Variants in XAB2 observed in about 807,000 individuals in gnomAD.
XAB2 encodes pre-mRNA-splicing factor SYF1.
A neutral mutation model predicts 113.4 loss-of-function variants in XAB2; 57 were observed. That is an observed-to-expected ratio of 0.50 (90% CI 0.41 to 0.63). XAB2 has a LOEUF of 0.63. Ranked by LOEUF, XAB2 falls within the 20% of genes least tolerant of loss-of-function variation. The pLI is 0.00. For missense variants in XAB2, 1,037 were observed against 1,233.3 expected, an observed-to-expected ratio of 0.84 and a Z score of 2.38; for synonymous variants, 497 against 498.8, an observed-to-expected ratio of 1.00 and a Z score of 0.05.
intron 13 of XAB2, 21 bp downstream of exon 13, chr19:7,621,114 C>A (rs751146462): frequency 3.2e-6 from 5 of 1,547,880 alleles, no homozygotes; most frequent in African/African-American, 1.4e-5. Flanking sequence ...CCACCCCCCC[C>A]ATGCCCTCTG....
intron 13 of XAB2, 41 bp downstream of exon 13, chr19:7,621,094 A>AACCCCCCCCCCCCCCCCCCCCT: frequency 6.7e-7 from 1 of 1,494,492 alleles, no homozygotes; most frequent in South Asian, 1.2e-5. Flanking sequence ...TCAGAAACCC[A>AACCCCCCCCCCCCCCCCCCCCT]GCCCGCCCGC....
chr19:7,628,445 G>T lies in XAB2; in HGVS notation c.52-147C>A. The T allele has an allele frequency of 1.0e-6, 1 of 958,822 alleles. No homozygotes were observed. Among genetic ancestry groups the T allele is most frequent in the Non-Finnish European group, 1.5e-6 (1 of 648,422 alleles). 59.4% of individuals were successfully genotyped at this position (958,822 alleles called of 1,614,324 possible). A position where few individuals can be genotyped will look rare whatever the true frequency, so the allele number is the denominator to read the frequency against. On this transcript the variant is annotated intron_variant, in intron 1 of 18. Coordinates refer to ENST00000358368, the MANE Select transcript of XAB2 (RefSeq NM_020196.3). This position sits in a 1 kb window ranked among gnomAD's most constrained non-coding sequence, Gnocchi z 4.6. ...AGGAAGTCAGGTCACCAGATGCCCA[G>T]GCACCAAACCAGATGCCCGACACCA...
chr19:7,622,494 C>T (rs1195474330), intron 11 of XAB2, 36 bp downstream of exon 11: 27 of 1,613,558 alleles, frequency 1.7e-5, no homozygotes, highest in Admixed American at 1.3e-4. Flanking sequence ...GAGCTGAGTC[C>T]GGGGCCCCGT....
rs1451887527 is a variant in XAB2 at position 7,628,080 on chromosome 19, T to A, written c.200+70A>T. 56 of 1,556,930 alleles carry A rather than the reference T, an allele frequency of 3.6e-5. No homozygotes were observed. Among genetic ancestry groups the A allele is most frequent in the Non-Finnish European group, 4.9e-5 (56 of 1,149,500 alleles). ...AATCACCCGGGACCCGGGACCCACT[T>A]GGCAGTTTTGTTATAACTGGACCAG... On this transcript the variant is annotated intron_variant, in intron 2 of 18. Coordinates refer to ENST00000358368, the MANE Select transcript of XAB2 (RefSeq NM_020196.3). The surrounding 1 kb of genome is among the most constrained non-coding windows in gnomAD (Gnocchi z 4.6).
rs1458397409 is a variant in XAB2 at position 7,620,941 on chromosome 19, C to T, written c.1876G>A (p.Ala626Thr). The T allele has an allele frequency of 2.5e-6, 4 of 1,589,898 alleles. No homozygotes were observed. Among genetic ancestry groups the T allele is most frequent in the Non-Finnish European group, 3.4e-6 (4 of 1,170,078 alleles). ...ATGTTGAACATGTCATACTGCTGGG[C>T]GGGCTCCACGGCCCTGGTGGCACGC... ...YERATRAVEP[A>T]QQYDMFNIYI... The change falls in exon 14 of 19, where the codon GCC becomes ACC. Residue 626 changes from alanine to threonine, a missense_variant. Coordinates refer to ENST00000358368, the MANE Select transcript of XAB2 (RefSeq NM_020196.3).
chr19:7,622,019 T>C (rs954938441), intron 12 of XAB2: 4 of 308,424 alleles, frequency 1.3e-5, no homozygotes, highest in South Asian at 7.2e-5. Context: ...ACCTAATCCA[T>C]TATGACTGAT....
intron 11 of XAB2, 21 bp downstream of exon 11, chr19:7,622,509 C>A: frequency 1.2e-6 from 2 of 1,613,890 alleles, no homozygotes; most frequent in Non-Finnish European, 8.5e-7. Context: ...CCCCGTCCCT[C>A]CCCAGCCACA....
intron 16 of XAB2, 87 bp downstream of exon 16, chr19:7,620,188 G>A: frequency 6.3e-7 from 1 of 1,597,452 alleles, no homozygotes; most frequent in East Asian, 2.2e-5. Flanking sequence ...TTGCCATCAG[G>A]ATCCGAGGCT....
chr19:7,621,381 G>A (rs1484812130), intron 12 of XAB2, 84 bp from the exon 13 acceptor site: 2 of 1,529,524 alleles, frequency 1.3e-6, no homozygotes, highest in Admixed American at 1.8e-5. Flanking sequence ...GGCGTCTGTA[G>A]GGAGCCTGCC....
chr19:7,622,203 C>A (rs2031047872), intron 12 of XAB2, 128 bp downstream of exon 12: 19 of 908,186 alleles, frequency 2.1e-5, no homozygotes, highest in Non-Finnish European at 3.1e-5. Flanking sequence ...GAAGCTAAAT[C>A]TTTGTTGTTT....
Position 7,623,664 on chromosome 19 carries a change from G to A in XAB2, c.1119+67C>T. On this transcript the variant is annotated intron_variant, in intron 8 of 18. Coordinates refer to ENST00000358368, the MANE Select transcript of XAB2 (RefSeq NM_020196.3). This position sits in a 1 kb window ranked among gnomAD's most constrained non-coding sequence, Gnocchi z 4.6. ...CTAGAAGGTGACATTATGGGTGAAG[G>A]TGGGTGGCTCCCCAGTTCTGCAGGA... 1 of 1,516,630 alleles carries A rather than the reference G, an allele frequency of 6.6e-7. No individual in the cohort carries two copies. The highest frequency in any genetic ancestry group is 8.8e-7 in the Non-Finnish European group (1 of 1,137,142). 93.9% of individuals were successfully genotyped at this position (1,516,630 alleles called of 1,614,324 possible).
rs200322743 is a variant in XAB2, at chr19:7,624,371, G to A, written c.897C>T (p.Tyr299=). The A allele has an allele frequency of 1.3e-5, 21 of 1,614,060 alleles. No individual in the cohort carries two copies. Among genetic ancestry groups the A allele is most frequent in the African/African-American group, 1.2e-4 (9 of 74,930 alleles). The change falls in exon 7 of 19, where the codon TAC becomes TAT. Residue 299 remains tyrosine, a synonymous_variant. Coordinates refer to ENST00000358368, the MANE Select transcript of XAB2 (RefSeq NM_020196.3). The surrounding 1 kb of genome is among the most constrained non-coding windows in gnomAD (Gnocchi z 4.2). ...CGATCATGCTCTCCTCGAACTGGGC[G>A]TAGCTGTCAAACACCTGTGTGAAGT... ...VRDFTQVFDS[Y]AQFEESMIAA...
In XAB2 at chr19:7,629,524, C is replaced by T. The variant is rs1427180903; in HGVS notation, c.4G>A (p.Val2Met). The T allele has an allele frequency of 6.2e-6, 10 of 1,605,052 alleles. No homozygotes were observed. The highest frequency in any genetic ancestry group is 8.5e-6 in the Non-Finnish European group (10 of 1,176,082). M[V>M]VMARLSRPER... ...GGCCGCGAGAGTCGCGCCATCACCA[C>T]CATTTTTCTGGATGCCCAGGTACAG... The change falls in exon 1 of 19, where the codon GTG (valine) becomes ATG (methionine). Residue 2 changes from valine (V) to methionine (M), a missense_variant. Val to Met is a conservative substitution (Grantham distance 21, BLOSUM62 1). Coordinates refer to ENST00000358368, the MANE Select transcript of XAB2 (RefSeq NM_020196.3).
rs2031181475 is a variant in XAB2, at chr19:7,628,150, C to T, written c.200G>A (p.Ser67Asn). 1.2e-6 allele frequency: 2 copies of T among 1,611,796 alleles called. No homozygotes were observed. The highest frequency in any genetic ancestry group is 1.7e-5 in the Admixed American group (1 of 59,598). Residue 67 changes from serine to asparagine, a missense_variant and splice_region_variant, in exon 2 of 19, where the codon AGC becomes AAC. Transcript: ENST00000358368. The surrounding 1 kb of genome is among the most constrained non-coding windows in gnomAD (Gnocchi z 4.6). ...GCAGGGCAGCTGGAGCCATTCCCAC[C>T]TGCAGGGCAGCAGCTTGAGTGCCCG... ...YERALKLLPC[S>N]YKLWYRYLKA...
chr19:7,627,860 T>C lies in XAB2; in HGVS notation c.201-9A>G, dbSNP rs111691303. On this transcript the variant is annotated splice_polypyrimidine_tract_variant and intron_variant, in intron 2 of 18. Coordinates refer to ENST00000358368, the MANE Select transcript of XAB2 (RefSeq NM_020196.3). The surrounding 1 kb of genome is among the most constrained non-coding windows in gnomAD (Gnocchi z 4.5). ...GGTACCAGAGTTTGTAGCTGGGGAA[T>C]AGGAGGGGACAGATGCTGATCGGTC... The C allele has an allele frequency of 9.5e-5, 153 of 1,611,252 alleles. 6 individuals carry two copies. The African/African-American group carries it at 1.1e-3, about 12-fold the overall frequency.
chr19:7,623,792 T>C lies in XAB2; in HGVS notation c.1058A>G (p.Asn353Ser), dbSNP rs758852611. The C allele has an allele frequency of 6.2e-7, 1 of 1,611,548 alleles. No homozygotes were observed. The highest frequency in any genetic ancestry group is 8.5e-7 in the Non-Finnish European group (1 of 1,179,414). ...GTGCCACTCGTGCACGTGGTGTGGG[T>C]TTTGGCGCAGCAAGACGCTGTTGAG... Reference protein sequence around the residue: ...LLLNSVLLRQNPHHVHEWHKR... With the variant: ...LLLNSVLLRQSPHHVHEWHKR... Residue 353 changes from asparagine (N) to serine (S), a missense_variant, in exon 8 of 19, where the codon AAC becomes AGC. Physicochemically the swap from Asn to Ser is conservative, Grantham distance 46. Coordinates refer to ENST00000358368, the MANE Select transcript of XAB2 (RefSeq NM_020196.3). This position sits in a 1 kb window ranked among gnomAD's most constrained non-coding sequence, Gnocchi z 4.6.
At chr19:7,621,334 A>C in intron 12 of XAB2, 37 bp from the exon 13 acceptor site, 1 of 1,604,212 alleles carries the variant, frequency 6.2e-7, no homozygotes, top group Non-Finnish European at 8.5e-7. Context: ...GAGAGTCTGC[A>C]GATAGAGACC....
rs1157713017 is a variant in XAB2 at position 7,620,870 on chromosome 19, G to A, written c.1947C>T (p.Arg649=). 2 of 1,591,890 alleles carry A rather than the reference G, an allele frequency of 1.3e-6. No individual in the cohort carries two copies. The highest frequency in any genetic ancestry group is 2.2e-5 in the East Asian group (1 of 44,484). Reference sequence around the variant, plus strand: ...CCTCAATGGCCTTCTGGTAGATGCCGCGGGTGTGGGTGACCCCATAGATCT... The same window carrying A: ...CCTCAATGGCCTTCTGGTAGATGCCACGGGTGTGGGTGACCCCATAGATCT... The part of the protein sequence containing the change: ...AAEIYGVTHT[R]GIYQKAIEVL... Residue 649 remains arginine, a synonymous_variant, in exon 14 of 19, where the codon CGC becomes CGT. Coordinates refer to ENST00000358368, the MANE Select transcript of XAB2 (RefSeq NM_020196.3).
Position 7,620,083 on chromosome 19 carries a change from G to T in XAB2, c.2267-8C>A. On this transcript the variant is annotated splice_region_variant and splice_polypyrimidine_tract_variant and intron_variant, in intron 16 of 18. Coordinates refer to ENST00000358368, the MANE Select transcript of XAB2 (RefSeq NM_020196.3). ...CAGGGGCCAGGTCAGACACTAGGGG[G>T]TGGGAGCAGGGGGTCAGCGCCACGG... is the stretch of plus-strand genomic sequence containing the variant. The T allele has an allele frequency of 1.2e-6, 2 of 1,610,578 alleles. No homozygotes were observed. Among genetic ancestry groups the T allele is most frequent in the South Asian group, 1.1e-5 (1 of 91,078 alleles).
Sources: gnomAD v4.1 joint callset for allele counts on GRCh38, gnomAD v4.1.1 for gene constraint, Gnocchi (gnomAD v3.1) non-coding constraint, MANE v1.5 for transcripts, NCBI Gene and HGNC (gene_info 2026-07-23, HGNC 2026-07-21) for gene names.